Variants in MEF2C observed in about 807,000 individuals in gnomAD.
MEF2C encodes the protein myocyte enhancer factor 2C.
In MEF2C, 6 loss-of-function variants were observed where a neutral mutation model predicts 50.5. That is an observed-to-expected ratio of 0.12 (90% confidence interval 0.07 to 0.23). The LOEUF is 0.23. Ranked by LOEUF, MEF2C falls within the 10% of genes least tolerant of loss-of-function variation. MEF2C has a pLI of 1.00. For missense variants in MEF2C, 276 were observed against 605.0 expected, an observed-to-expected ratio of 0.46 and a Z score of 5.70; for synonymous variants, 183 against 228.0, an observed-to-expected ratio of 0.80 and a Z score of 1.78.
At chr5:88,872,717 G>A (rs1829880176) in intron 1 of MEF2C, among the ~76,000 whole-genome samples, 1 of 152,040 alleles carries the variant, frequency 6.6e-6, no homozygotes, top group Admixed American at 6.6e-5. Flanking sequence ...AACTTTAAGA[G>A]GTGGGTGATT....
At chr5:88,853,483 C>G (rs1333152818) in intron 1 of MEF2C, among the ~76,000 whole-genome samples, 2 of 152,104 alleles carry the variant, frequency 1.3e-5, no homozygotes. Flanking sequence ...TAAATGGGCA[C>G]AGATAATTGT....
At chr5:88,897,072 A>G (rs1454494670) in intron 1 of MEF2C, among the ~76,000 whole-genome samples, 6 of 152,212 alleles carry the variant, frequency 3.9e-5, no homozygotes, top group African/African-American at 7.2e-5. Flanking sequence ...AATCACTTCA[A>G]AATAAAATAC....
At chr5:88,778,063 C>T (rs1168976044) in intron 3 of MEF2C, among the ~76,000 whole-genome samples, 2 of 151,762 alleles carry the variant, frequency 1.3e-5, no homozygotes, top group Non-Finnish European at 2.9e-5. Context: ...CGCCACCACG[C>T]CCGGCTAATT....
intron 3 of MEF2C, among the ~76,000 whole-genome samples, chr5:88,780,372 G>C (rs1787332307): frequency 6.6e-6 from 1 of 152,106 alleles, no homozygotes; most frequent in South Asian, 2.1e-4. Flanking sequence ...AGTTGACTGA[G>C]ATGGCCATCC....
intron 3 of MEF2C, among the ~76,000 whole-genome samples, chr5:88,786,658 CAAAA>C (rs1791042820): frequency 2.0e-5 from 3 of 152,072 alleles, no homozygotes; most frequent in Middle Eastern, 6.8e-3. Context: ...TAACAGAAAA[CAAAA>C]AATAAAGGCT....
intron 1 of MEF2C, among the ~76,000 whole-genome samples, chr5:88,898,098 C>T (rs1033219402): frequency 1.3e-5 from 2 of 152,020 alleles, no homozygotes; most frequent in South Asian, 2.1e-4. Context: ...TTTTTCTCTC[C>T]GTTTGTTATT....
intron 1 of MEF2C, among the ~76,000 whole-genome samples, chr5:88,890,673 A>G (rs772377139): frequency 1.3e-5 from 2 of 152,200 alleles, no homozygotes; most frequent in African/African-American, 4.8e-5. Flanking sequence ...AAAGAAAGAA[A>G]GAAAGAAATT....
In MEF2C at chr5:88,850,321, T is replaced by C. The variant is rs570209745; in HGVS notation, c.-142-26391A>G. ...TTAGTTCATCTAATCTCCAGAAATA[T>C]GCTTTGTAGTATTATGCCCATTTTA... On this transcript the variant is annotated intron_variant, in intron 1 of 10. Transcript: ENST00000504921. Among the ~76,000 whole-genome samples, 12 of 152,336 alleles carry C rather than the reference T, an allele frequency of 7.9e-5. No homozygotes were observed. In the South Asian group the frequency reaches 2.5e-3, roughly 32 times the overall value.
At chr5:88,733,095 G>A in intron 6 of MEF2C, 1 of 985,358 alleles carries the variant, frequency 1.0e-6, no homozygotes, top group Middle Eastern at 5.2e-4. Flanking sequence ...TGAGGTGCCT[G>A]CAGAGTAATC....
intron 1 of MEF2C, among the ~76,000 whole-genome samples, chr5:88,850,805 A>T (rs1047959784): frequency 2.0e-5 from 3 of 152,086 alleles, no homozygotes; most frequent in Admixed American, 6.6e-5. Flanking sequence ...CCCACAGGTT[A>T]GAACTGAGAG....
intron 1 of MEF2C, among the ~76,000 whole-genome samples, chr5:88,836,154 T>G (rs1369946247): frequency 6.6e-6 from 1 of 152,180 alleles, no homozygotes; most frequent in Non-Finnish European, 1.5e-5. Flanking sequence ...TCGATTTTCA[T>G]TTACAATCAA....
At chr5:88,826,779 T>C (rs1811050499) in intron 1 of MEF2C, among the ~76,000 whole-genome samples, 1 of 151,952 alleles carries the variant, frequency 6.6e-6, no homozygotes, top group Non-Finnish European at 1.5e-5. Flanking sequence ...CAAGTTATGC[T>C]GAGAACTTTC....
At chr5:88,846,196 T>A (rs1581507741) in intron 1 of MEF2C, among the ~76,000 whole-genome samples, 1 of 152,038 alleles carries the variant, frequency 6.6e-6, no homozygotes, top group Admixed American at 6.6e-5. Flanking sequence ...AGCCTCCTGG[T>A]AGCTGGGACT....
At chr5:88,821,524 G>A (rs1434078502) in intron 2 of MEF2C, among the ~76,000 whole-genome samples, 2 of 151,688 alleles carry the variant, frequency 1.3e-5, no homozygotes, top group East Asian at 1.9e-4. Flanking sequence ...CAAAGTGTTG[G>A]GATTACAAGC....
chr5:88,748,436 A>G (rs1256326836), intron 6 of MEF2C, among the ~76,000 whole-genome samples: 1 of 152,214 alleles, frequency 6.6e-6, no homozygotes, highest in East Asian at 1.9e-4. Context: ...AATGACATCG[A>G]TATCTCAATA....
At chr5:88,749,499 T>C in intron 5 of MEF2C, 1 of 984,856 alleles carries the variant, frequency 1.0e-6, no homozygotes, top group Non-Finnish European at 1.2e-6. Flanking sequence ...TTTGTAAATA[T>C]GTTTTATGCC....
rs1771244899 is a variant in MEF2C at position 88,748,881 on chromosome 5, T to C, written c.637+189A>G. 4.1e-6 allele frequency: 4 copies of C among 985,206 alleles called. No homozygotes were observed. In the South Asian group the frequency reaches 1.4e-4, roughly 35 times the overall value. 61.0% of individuals were successfully genotyped at this position (985,206 alleles called of 1,614,324 possible). ...ATTAAGGAAGGTTCTAGTTAATAAA[T>C]AGTTTTCTTCTAAGTTACTATTTAA... On this transcript the variant is annotated intron_variant, in intron 6 of 10. Transcript: ENST00000504921.
chr5:88,856,780 C>A (rs1487042186), intron 1 of MEF2C, among the ~76,000 whole-genome samples: 1 of 152,242 alleles, frequency 6.6e-6, no homozygotes, highest in Non-Finnish European at 1.5e-5. Flanking sequence ...AATCTCTACC[C>A]AGATTTCAGA....
At chr5:88,735,709 T>C in intron 6 of MEF2C, 1 of 985,394 alleles carries the variant, frequency 1.0e-6, no homozygotes, top group Non-Finnish European at 1.2e-6. Context: ...AACATTTTTC[T>C]CCCCAGTTAA....
Sources: gnomAD v4.1 joint callset for allele counts (sites outside exome capture counted in the v4.1 genomes callset) on GRCh38, gnomAD v4.1.1 for gene constraint, MANE v1.5 for transcripts, NCBI Gene and HGNC (gene_info 2026-07-23, HGNC 2026-07-21) for gene names.